The following LPP variants were observed in gnomAD, a reference collection of about 807,000 sequenced individuals.
The protein encoded by LPP is lipoma-preferred partner.
Under a neutral mutation model 60.4 loss-of-function variants are expected in LPP, and 38 were observed. The ratio of observed to expected loss-of-function variants is 0.63; its 90% CI spans 0.49 to 0.83. LPP has a LOEUF of 0.83. Among genes scored for constraint, LPP ranks in the 40% least tolerant of loss-of-function variants. The pLI, the probability that LPP is intolerant of heterozygous loss-of-function variation, is 0.00. For missense variants in LPP, 902 were observed against 783.6 expected, an observed-to-expected ratio of 1.15 and a Z score of -1.80; for synonymous variants, 328 against 290.8, an observed-to-expected ratio of 1.13 and a Z score of -1.30.
At chr3:188,830,978 G>A (rs1277508270) in intron 9 of LPP, among the ~76,000 whole-genome samples, 2 of 152,108 alleles carry the variant, frequency 1.3e-5, no homozygotes, top group Non-Finnish European at 2.9e-5. Flanking sequence ...GTAGTATTGT[G>A]TATATTACAA....
chr3:188,705,211 T>C (rs902918304), intron 7 of LPP, among the ~76,000 whole-genome samples: 8 of 152,370 alleles, frequency 5.3e-5, no homozygotes, highest in African/African-American at 1.9e-4. Context: ...GAATCTCCTT[T>C]AACATTTCCG....
At chr3:188,384,124 AT>A (rs1777579139) in intron 3 of LPP, among the ~76,000 whole-genome samples, 6 of 152,160 alleles carry the variant, frequency 3.9e-5, no homozygotes, top group Admixed American at 3.9e-4. Context: ...CATTAGAAAT[AT>A]TTTGCTCCAT....
intron 9 of LPP, among the ~76,000 whole-genome samples, chr3:188,850,567 G>C (rs1762461609): frequency 6.6e-6 from 1 of 152,048 alleles, no homozygotes; most frequent in African/African-American, 2.4e-5. Flanking sequence ...ACCTTTAAAA[G>C]TTAGCTATAC....
At chr3:188,299,525 T>C (rs1432979438) in intron 2 of LPP, among the ~76,000 whole-genome samples, 1 of 152,156 alleles carries the variant, frequency 6.6e-6, no homozygotes, top group East Asian at 1.9e-4. Context: ...ATCCCCTTAA[T>C]AGGTTGGACA....
chr3:188,304,063 C>A (rs765944889), intron 2 of LPP, among the ~76,000 whole-genome samples: 36 of 152,154 alleles, frequency 2.4e-4, no homozygotes, highest in Middle Eastern at 3.4e-3. Context: ...TAGGAGTACC[C>A]CAGCCTTTAT....
At chr3:188,858,421 A>G (rs546080978) in intron 9 of LPP, among the ~76,000 whole-genome samples, 2 of 152,190 alleles carry the variant, frequency 1.3e-5, no homozygotes, top group Non-Finnish European at 2.9e-5. Flanking sequence ...TGGGTTATGC[A>G]TTTTAAAGTA....
At chr3:188,467,122 A>G (rs1800673754) in intron 4 of LPP, among the ~76,000 whole-genome samples, 1 of 151,806 alleles carries the variant, frequency 6.6e-6, no homozygotes, top group Admixed American at 6.6e-5. Flanking sequence ...AAGCAATCCT[A>G]TGGGGACAAT....
At chr3:188,723,325 C>T (rs1414220338) in intron 8 of LPP, among the ~76,000 whole-genome samples, 2 of 152,118 alleles carry the variant, frequency 1.3e-5, no homozygotes, top group Non-Finnish European at 2.9e-5. Flanking sequence ...TGCAGGTAGT[C>T]GGAAACCTAG....
In LPP at chr3:188,550,493, G is replaced by A. The variant is rs140124770; in HGVS notation, c.429+25706G>A. Among the ~76,000 whole-genome samples, 347 of 143,790 alleles carry A rather than the reference G, an allele frequency of 2.4e-3. 2 individuals carry two copies. The highest frequency in any genetic ancestry group is 8.0e-3 in the African/African-American group (306 of 38,400). 94.3% of individuals were successfully genotyped at this position (143,790 alleles called of 152,430 possible). On this transcript the variant is annotated intron_variant, in intron 6 of 11. Coordinates refer to ENST00000617246, the MANE Select transcript of LPP (RefSeq NM_001375462.1). Reference sequence around the variant, plus strand: ...CTGGGGAGGCTGAGGCAGGAGAATCGCTTGAACCTGAGAGGCGGAGGTTGC... The same window carrying A: ...CTGGGGAGGCTGAGGCAGGAGAATCACTTGAACCTGAGAGGCGGAGGTTGC...
chr3:188,339,454 C>T (rs1374721159), intron 2 of LPP, among the ~76,000 whole-genome samples: 5 of 152,068 alleles, frequency 3.3e-5, no homozygotes, highest in Admixed American at 6.6e-5. Context: ...CCAGAGACCA[C>T]GTAATTTATA....
intron 4 of LPP, among the ~76,000 whole-genome samples, chr3:188,441,470 G>A (rs181611625): frequency 1.1e-3 from 160 of 151,970 alleles, no homozygotes; most frequent in Non-Finnish European, 1.8e-3. Context: ...ACCCCAATTC[G>A]TAGTTTCTTC....
At chr3:188,715,024 A>G (rs1713238634) in intron 8 of LPP, among the ~76,000 whole-genome samples, 1 of 152,142 alleles carries the variant, frequency 6.6e-6, no homozygotes, top group Non-Finnish European at 1.5e-5. Context: ...TTTTAGAGCA[A>G]ATTTTTTCCT....
intron 5 of LPP, among the ~76,000 whole-genome samples, chr3:188,486,675 A>G (rs549576841): frequency 6.6e-6 from 1 of 152,320 alleles, no homozygotes; most frequent in South Asian, 2.1e-4. Context: ...GTAAGTACCA[A>G]TTCAGTTTCT....
chr3:188,885,253 A>G lies in LPP; in HGVS notation c.*10774A>G, dbSNP rs918163942. 4 of 200,786 alleles carry G rather than the reference A, an allele frequency of 2.0e-5. No homozygotes were observed. Among genetic ancestry groups the G allele is most frequent in the African/African-American group, 9.2e-5 (4 of 43,516 alleles). 12.4% of individuals were successfully genotyped at this position (200,786 alleles called of 1,614,324 possible). On this transcript the variant is annotated 3_prime_UTR_variant, in exon 12 of 12. Coordinates refer to ENST00000617246, the MANE Select transcript of LPP (RefSeq NM_001375462.1). ...CCTGCATTAAATCTAAGAATCCTTT[A>G]AAATAATCACACCTGATAAGTGTTT...
intron 4 of LPP, among the ~76,000 whole-genome samples, chr3:188,478,148 G>A (rs1011904322): frequency 6.6e-6 from 1 of 152,008 alleles, no homozygotes; most frequent in Non-Finnish European, 1.5e-5. Flanking sequence ...TCTCTTTAAG[G>A]GACCTTGTTC....
intron 7 of LPP, among the ~76,000 whole-genome samples, chr3:188,659,892 T>C (rs1356004436): frequency 6.6e-6 from 1 of 151,590 alleles, no homozygotes; most frequent in Non-Finnish European, 1.5e-5. Context: ...CTGCTTGTAA[T>C]TGTTACTGTT....
intron 2 of LPP, among the ~76,000 whole-genome samples, chr3:188,263,032 A>G (rs1734229623): frequency 6.6e-6 from 1 of 151,948 alleles, no homozygotes. Context: ...GTGACTATTC[A>G]GTACATGTAC....
At chr3:188,192,389 G>A (rs1374021376) in intron 1 of LPP, among the ~76,000 whole-genome samples, 2 of 152,220 alleles carry the variant, frequency 1.3e-5, no homozygotes, top group Non-Finnish European at 2.9e-5. Flanking sequence ...TGTGAGCACA[G>A]TCGTCCTGTT....
chr3:188,465,562 G>A (rs1484933653), intron 4 of LPP, among the ~76,000 whole-genome samples: 1 of 152,172 alleles, frequency 6.6e-6, no homozygotes, highest in Non-Finnish European at 1.5e-5. Context: ...AGAGCTTTTA[G>A]TGTAGAACAA....
Sources: allele counts gnomAD v4.1 joint callset (sites outside exome capture counted in the v4.1 genomes callset), GRCh38; gene constraint gnomAD v4.1.1; transcripts MANE v1.5; gene names NCBI Gene and HGNC (gene_info 2026-07-23, HGNC 2026-07-21).